The following MYO3B variants were observed in gnomAD, a reference collection of about 807,000 sequenced individuals.
MYO3B encodes myosin-IIIb.
In MYO3B, 156 loss-of-function variants were observed where a neutral mutation model predicts 174.6. That is an observed-to-expected ratio of 0.89 (90% confidence interval 0.78 to 1.02). The LOEUF is 1.02. MYO3B is among the 50% of genes least tolerant of loss of function. The probability of loss-of-function intolerance (pLI) is 0.00; values close to 1 mark genes in which losing one functional copy is unlikely to be tolerated. For missense variants in MYO3B, 1,632 were observed against 1,639.4 expected (o/e 1.00, Z 0.08); for synonymous variants, 563 against 569.1 (o/e 0.99, Z 0.15).
intron 22 of MYO3B, among the ~76,000 whole-genome samples, chr2:170,442,278 C>T (rs563670641): frequency 5.3e-5 from 8 of 152,114 alleles, no homozygotes; most frequent in Non-Finnish European, 7.4e-5. Flanking sequence ...CTTGTGAACA[C>T]GTGTTATTGT....
intron 27 of MYO3B, among the ~76,000 whole-genome samples, chr2:170,500,891 GTA>G (rs1419784432): frequency 7.8e-6 from 1 of 127,622 alleles, no homozygotes. Context: ...CTTTGTTTAC[GTA>G]TATGTGTTAT....
At chr2:170,258,840 C>G (rs908139575) in intron 7 of MYO3B, among the ~76,000 whole-genome samples, 5 of 152,118 alleles carry the variant, frequency 3.3e-5, no homozygotes, top group Non-Finnish European at 7.4e-5. Flanking sequence ...CTAAAAGGCT[C>G]CTAGAACTGA....
chr2:170,632,978 A>T (rs2105393921), intron 32 of MYO3B, among the ~76,000 whole-genome samples: 1 of 152,334 alleles, frequency 6.6e-6, no homozygotes, highest in African/African-American at 2.4e-5. Flanking sequence ...GGCAATAACT[A>T]ACAGCCTACC....
intron 31 of MYO3B, among the ~76,000 whole-genome samples, chr2:170,543,464 T>C (rs1346211724): frequency 1.3e-5 from 2 of 152,212 alleles, no homozygotes; most frequent in African/African-American, 4.8e-5. Context: ...GTAACTCTGC[T>C]GAGCATATGT....
At chr2:170,473,139 C>CTTTTTTTTTT (rs66837903) in intron 25 of MYO3B, among the ~76,000 whole-genome samples, 84 of 96,434 alleles carry the variant, frequency 8.7e-4, no homozygotes, top group East Asian at 1.5e-3. Flanking sequence ...TTTTTCTTTT[C>CTTTTTTTTTT]TTTTTTTTTT....
Position 170,236,062 on chromosome 2 carries a change from A to G in MYO3B, c.675A>G (p.Thr225=), listed in dbSNP as rs763050046. Residue 225 remains threonine, a synonymous_variant, in exon 7 of 35, where the codon ACA becomes ACG. Transcript: ENST00000408978. ...GTGACGTCTGGTCCTTGGGGATCAC[A>G]GCTATTGAACTGGGGGATGGAGACC... is the stretch of plus-strand genomic sequence containing the variant. ...ARCDVWSLGI[T]AIELGDGDPP... 5 of 1,613,894 alleles carry G rather than the reference A, an allele frequency of 3.1e-6. No individual in the cohort carries two copies. In the South Asian group the frequency reaches 3.3e-5, roughly 11 times the overall value.
At chr2:170,567,438 A>G (rs916127880) in intron 32 of MYO3B, among the ~76,000 whole-genome samples, 2 of 152,194 alleles carry the variant, frequency 1.3e-5, no homozygotes, top group African/African-American at 4.8e-5. Context: ...ACTAATAGAA[A>G]TGTTTAAAGC....
At chr2:170,631,611 C>T (rs920278742) in intron 32 of MYO3B, among the ~76,000 whole-genome samples, 20 of 151,676 alleles carry the variant, frequency 1.3e-4, no homozygotes, top group Admixed American at 5.3e-4. Flanking sequence ...GTCAGATACA[C>T]CAAAGTTGAA....
intron 32 of MYO3B, chr2:170,602,021 G>A (rs1234027975): frequency 3.3e-6 from 3 of 910,694 alleles, no homozygotes; most frequent in Admixed American, 1.7e-5. Context: ...CTTTCATAAC[G>A]GTCTTTGTCC....
intron 7 of MYO3B, among the ~76,000 whole-genome samples, chr2:170,260,642 G>A (rs2093338772): frequency 6.6e-6 from 1 of 152,182 alleles, no homozygotes; most frequent in Non-Finnish European, 1.5e-5. Context: ...ATCCCAAACT[G>A]AAGCATCACA....
chr2:170,261,169 A>C (rs925450650), intron 7 of MYO3B, among the ~76,000 whole-genome samples: 7 of 151,992 alleles, frequency 4.6e-5, no homozygotes, highest in African/African-American at 1.7e-4. Context: ...GATTACAGGC[A>C]TGCACCACCA....
intron 7 of MYO3B, among the ~76,000 whole-genome samples, chr2:170,295,005 C>A (rs931425613): frequency 6.6e-6 from 1 of 151,966 alleles, no homozygotes; most frequent in Non-Finnish European, 1.5e-5. Flanking sequence ...TTCATTTCTC[C>A]TTGTAATTCT....
At chr2:170,328,594 T>C (rs2093886738) in intron 7 of MYO3B, among the ~76,000 whole-genome samples, 1 of 152,172 alleles carries the variant, frequency 6.6e-6, no homozygotes, top group Admixed American at 6.5e-5. Flanking sequence ...AGAGATATTT[T>C]AAAAGTTTGA....
chr2:170,627,429 GGTTATTCTA>G (rs1354030315), intron 32 of MYO3B, among the ~76,000 whole-genome samples: 4 of 152,044 alleles, frequency 2.6e-5, no homozygotes, highest in African/African-American at 9.7e-5. Flanking sequence ...TCTCTGCATT[GGTTATTCTA>G]GTTAGCCATT....
At chr2:170,512,470 C>T (rs1310783920) in intron 28 of MYO3B, among the ~76,000 whole-genome samples, 1 of 152,220 alleles carries the variant, frequency 6.6e-6, no homozygotes, top group Non-Finnish European at 1.5e-5. Context: ...TATGAGCCTT[C>T]TCTGCCAGAT....
In MYO3B at chr2:170,383,771, CAGA is replaced by C; in HGVS notation, c.1248_1250del (p.Asp417del). 6.2e-7 allele frequency: 1 copy of C among 1,613,788 alleles called. No individual in the cohort carries two copies. The highest frequency in any genetic ancestry group is 8.5e-7 in the Non-Finnish European group (1 of 1,179,746). ...AATCCCCCCCACATATTTGCATCAGCAGATGCTGCTTACCAGTGCATGGTTACT... is the reference window on the plus strand; with the variant it reads ...AATCCCCCCCACATATTTGCATCAGCTGCTGCTTACCAGTGCATGGTTACT... On this transcript the variant is annotated inframe_deletion, in exon 12 of 35. Coordinates refer to ENST00000408978, the MANE Select transcript of MYO3B (RefSeq NM_138995.5).
At chr2:170,351,173 C>T (rs542865129) in intron 8 of MYO3B, 8 of 152,154 alleles carry the variant, frequency 5.3e-5, no homozygotes, top group African/African-American at 1.4e-4. Context: ...GTCACAGGTC[C>T]GCAGGTATCA....
chr2:170,405,512 C>G, intron 20 of MYO3B, 33 bp from the exon 21 acceptor site: 1 of 1,601,952 alleles, frequency 6.2e-7, no homozygotes, highest in Non-Finnish European at 8.6e-7. Context: ...AAATAATTCA[C>G]ATTGTAACTC....
rs184936500 is a variant in MYO3B at position 170,557,646 on chromosome 2, G to C, written c.3733+13658G>C. 3.8e-3 allele frequency among the ~76,000 whole-genome samples: 585 copies of C among 152,266 alleles called. 2 individuals carry two copies. The highest frequency in any genetic ancestry group is 0.013 in the African/African-American group (538 of 41,542). On this transcript the variant is annotated intron_variant, in intron 32 of 34. Coordinates refer to ENST00000408978, the MANE Select transcript of MYO3B (RefSeq NM_138995.5). The stretch of plus-strand genomic sequence containing the variant: ...AATACAGGGAGCAAGAGCCAGGCTT[G>C]CTCTTGTGAAATTTATATTCTGAGA...
Sources: gnomAD v4.1 joint callset for allele counts (sites outside exome capture counted in the v4.1 genomes callset) on GRCh38, gnomAD v4.1.1 for gene constraint, MANE v1.5 for transcripts, NCBI Gene and HGNC (gene_info 2026-07-23, HGNC 2026-07-21) for gene names.